Variants in LRMDA observed in about 807,000 individuals in gnomAD.
LRMDA encodes leucine rich melanocyte differentiation associated, also known as leucine-rich melanocyte differentiation-associated protein.
Under a neutral mutation model 29.8 loss-of-function variants are expected in LRMDA, and 18 were observed. The ratio of observed to expected loss-of-function variants is 0.60; its 90% CI spans 0.42 to 0.90. LRMDA has a LOEUF of 0.90. Ranked by LOEUF, LRMDA falls within the 40% of genes least tolerant of loss-of-function variation. LRMDA has a pLI of 0.00. For synonymous variants in LRMDA, 125 were observed against 109.4 expected, an observed-to-expected ratio of 1.14 and a Z score of -0.89; for missense variants, 273 against 273.9, an observed-to-expected ratio of 1.00 and a Z score of 0.02.
Position 76,536,769 on chromosome 10 carries a change from C to T in LRMDA, c.602-20440C>T, listed in dbSNP as rs545098358. Among the ~76,000 whole-genome samples, 6 of 152,152 alleles carry T rather than the reference C, an allele frequency of 3.9e-5. No individual in the cohort carries two copies. The South Asian group carries it at 6.2e-4, about 16-fold the overall frequency. On this transcript the variant is annotated intron_variant, in intron 6 of 6. Coordinates refer to ENST00000611255, the MANE Select transcript of LRMDA (RefSeq NM_001305581.2). ...TTGATCATTTGGCTAACGTGGTTAC[C>T]GCCAGATGGATCCCCTCTAAAGGCT...
intron 2 of LRMDA, among the ~76,000 whole-genome samples, chr10:75,647,265 C>A (rs76840587): frequency 6.6e-6 from 1 of 152,014 alleles, no homozygotes; most frequent in Admixed American, 6.5e-5. Flanking sequence ...TTTTTTAAAA[C>A]CCTAAAGACT....
chr10:75,623,465 G>A (rs973795638), intron 2 of LRMDA, among the ~76,000 whole-genome samples: 11 of 152,314 alleles, frequency 7.2e-5, no homozygotes, highest in African/African-American at 2.6e-4. Flanking sequence ...ATTGTGGAGT[G>A]ACATTGTCAG....
intron 2 of LRMDA, among the ~76,000 whole-genome samples, chr10:75,818,643 C>G (rs1844101848): frequency 6.6e-6 from 1 of 152,218 alleles, no homozygotes; most frequent in African/African-American, 2.4e-5. Context: ...TCAATATTTG[C>G]AGAGACGAAA....
chr10:76,386,942 AG>A (rs1841667041), intron 6 of LRMDA, among the ~76,000 whole-genome samples: 1 of 152,174 alleles, frequency 6.6e-6, no homozygotes, highest in Non-Finnish European at 1.5e-5. Flanking sequence ...AAACATAAAA[AG>A]CTCAAACTTA....
chr10:76,328,839 A>C (rs1840869394), intron 6 of LRMDA, among the ~76,000 whole-genome samples: 1 of 152,254 alleles, frequency 6.6e-6, no homozygotes, highest in African/African-American at 2.4e-5. Context: ...GCTCCATGTC[A>C]GTCTGGATTC....
intron 5 of LRMDA, among the ~76,000 whole-genome samples, chr10:76,248,225 G>C (rs942390664): frequency 6.6e-6 from 1 of 152,096 alleles, no homozygotes; most frequent in East Asian, 1.9e-4. Flanking sequence ...GTAGATATAG[G>C]CTAGGGATGC....
chr10:76,446,809 T>G (rs1340014999), intron 6 of LRMDA, among the ~76,000 whole-genome samples: 2 of 152,222 alleles, frequency 1.3e-5, no homozygotes, highest in African/African-American at 2.4e-5. Flanking sequence ...GTGGCACATG[T>G]TAATTCCACT....
intron 2 of LRMDA, among the ~76,000 whole-genome samples, chr10:75,963,620 G>T (rs867615599): frequency 6.6e-6 from 1 of 152,174 alleles, no homozygotes; most frequent in Non-Finnish European, 1.5e-5. Flanking sequence ...ACCTCCACTT[G>T]TTGACTAACT....
At chr10:75,637,718 G>A (rs1841405276) in intron 2 of LRMDA, among the ~76,000 whole-genome samples, 3 of 152,194 alleles carry the variant, frequency 2.0e-5, no homozygotes, top group South Asian at 2.1e-4. Flanking sequence ...CATTGATCAC[G>A]GGAGTGTCTG....
chr10:76,432,808 T>A (rs1842205592), intron 6 of LRMDA, among the ~76,000 whole-genome samples: 1 of 152,184 alleles, frequency 6.6e-6, no homozygotes, highest in Non-Finnish European at 1.5e-5. Flanking sequence ...TTTCCAGTAT[T>A]GTGTCTGCAT....
intron 5 of LRMDA, among the ~76,000 whole-genome samples, chr10:76,065,328 T>C (rs894546822): frequency 6.6e-6 from 1 of 152,214 alleles, no homozygotes; most frequent in Non-Finnish European, 1.5e-5. Context: ...ATGTCTCTGG[T>C]GTGCTGGTGA....
At chr10:75,497,382 C>T (rs749255179) in intron 2 of LRMDA, among the ~76,000 whole-genome samples, 19 of 151,978 alleles carry the variant, frequency 1.3e-4, no homozygotes, top group East Asian at 1.9e-4. Context: ...GCTTTTTTCA[C>T]GCATTTCATA....
intron 6 of LRMDA, among the ~76,000 whole-genome samples, chr10:76,527,362 C>T (rs1307735653): frequency 6.6e-6 from 1 of 152,148 alleles, no homozygotes; most frequent in African/African-American, 2.4e-5. Flanking sequence ...TGTCTAGATC[C>T]AGATCTTGGC....
At chr10:76,359,688 C>G (rs1471437114) in intron 6 of LRMDA, among the ~76,000 whole-genome samples, 1 of 152,180 alleles carries the variant, frequency 6.6e-6, no homozygotes, top group African/African-American at 2.4e-5. Context: ...GGACTGACCA[C>G]TTTCGTAAGT....
intron 5 of LRMDA, among the ~76,000 whole-genome samples, chr10:76,144,897 C>T (rs1850281584): frequency 1.3e-5 from 2 of 152,134 alleles, no homozygotes; most frequent in Non-Finnish European, 2.9e-5. Flanking sequence ...GAGTTTTTAG[C>T]ATGAAGTGTT....
At chr10:75,793,447 A>G (rs1413745520) in intron 2 of LRMDA, among the ~76,000 whole-genome samples, 1 of 152,184 alleles carries the variant, frequency 6.6e-6, no homozygotes, top group African/African-American at 2.4e-5. Context: ...CAGCAGGGTT[A>G]TGCATGTTTG....
At chr10:76,138,583 G>A (rs2132146762) in intron 5 of LRMDA, among the ~76,000 whole-genome samples, 1 of 152,158 alleles carries the variant, frequency 6.6e-6, no homozygotes. Flanking sequence ...AGTTTTTTTG[G>A]CATTCTCTTT....
chr10:75,814,549 C>T (rs1365850704), intron 2 of LRMDA, among the ~76,000 whole-genome samples: 2 of 151,956 alleles, frequency 1.3e-5, no homozygotes, highest in Non-Finnish European at 2.9e-5. Context: ...AGCCATTCAG[C>T]AACATTTTCC....
intron 2 of LRMDA, among the ~76,000 whole-genome samples, chr10:75,608,245 C>T (rs1450452116): frequency 1.3e-5 from 2 of 151,804 alleles, no homozygotes; most frequent in South Asian, 2.1e-4. Flanking sequence ...TAGAAGACTA[C>T]TGCATGATCT....
Sources: gnomAD v4.1 joint callset for allele counts (sites outside exome capture counted in the v4.1 genomes callset) on GRCh38, gnomAD v4.1.1 for gene constraint, MANE v1.5 for transcripts, NCBI Gene and HGNC (gene_info 2026-07-23, HGNC 2026-07-21) for gene names.